DNM3: variants seen among roughly 807,000 people sequenced by gnomAD.
DNM3 encodes dynamin 3.
A neutral mutation model predicts 101.6 loss-of-function variants in DNM3; 47 were observed. The ratio of observed to expected loss-of-function variants is 0.46; its 90% CI spans 0.37 to 0.59. The LOEUF (loss-of-function observed/expected upper bound fraction) is 0.59. Ranked by LOEUF, DNM3 falls within the 20% of genes least tolerant of loss-of-function variation. The probability of loss-of-function intolerance (pLI) is 0.00; values close to 1 mark genes in which losing one functional copy is unlikely to be tolerated. For missense variants in DNM3, 849 were observed against 1,085.7 expected (o/e 0.78, Z 3.06); for synonymous variants, 385 against 387.9 (o/e 0.99, Z 0.09).
chr1:171,914,581 T>C (rs1439076926), intron 1 of DNM3, among the ~76,000 whole-genome samples: 1 of 152,236 alleles, frequency 6.6e-6, no homozygotes, highest in African/African-American at 2.4e-5. Flanking sequence ...TTGGCCCACC[T>C]AGTATTCCGT....
intron 15 of DNM3, among the ~76,000 whole-genome samples, chr1:172,265,398 TGAG>T (rs1181913013): frequency 6.6e-6 from 1 of 152,162 alleles, no homozygotes; most frequent in Non-Finnish European, 1.5e-5. Flanking sequence ...CTTCAGCACT[TGAG>T]GAGAGCGAAT....
At position 171,952,138 on chromosome 1, in the gene DNM3, G is replaced by A. The variant is rs77604267; in HGVS notation, c.235+30317G>A. The stretch of plus-strand genomic sequence containing the variant: ...TGAAGCCTCCAGGTAACAGCCTTCA[G>A]AGAGAAGAGATGGCAGATGTCTTTT... On this transcript the variant is annotated intron_variant, in intron 2 of 20. Coordinates refer to ENST00000627582, the MANE Select transcript of DNM3 (RefSeq NM_015569.5). Among the ~76,000 whole-genome samples the A allele has an allele frequency of 5.0e-3, 763 of 152,272 alleles. 14 individuals carry two copies. Among genetic ancestry groups the A allele is most frequent in the African/African-American group, 0.016 (679 of 41,566 alleles).
chr1:171,931,059 T>G (rs1483236639), intron 2 of DNM3, among the ~76,000 whole-genome samples: 1 of 152,114 alleles, frequency 6.6e-6, no homozygotes, highest in Non-Finnish European at 1.5e-5. Context: ...CCCTCATCTG[T>G]ATAACAAAAA....
intron 14 of DNM3, among the ~76,000 whole-genome samples, chr1:172,179,706 G>C (rs2059277251): frequency 6.6e-6 from 1 of 151,616 alleles, no homozygotes; most frequent in African/African-American, 2.4e-5. Context: ...GCATAGTTTT[G>C]GGAATACAGA....
intron 10 of DNM3, among the ~76,000 whole-genome samples, chr1:172,052,380 A>G (rs530704786): frequency 6.6e-6 from 1 of 152,226 alleles, no homozygotes; most frequent in East Asian, 1.9e-4. Flanking sequence ...ATCAACATAT[A>G]AATATATCTA....
At chr1:172,317,855 T>C (rs553602060) in intron 16 of DNM3, among the ~76,000 whole-genome samples, 3 of 150,932 alleles carry the variant, frequency 2.0e-5, no homozygotes, top group East Asian at 2.0e-4. Flanking sequence ...TTCCAATCAA[T>C]AGAAAAAGAG....
intron 17 of DNM3, among the ~76,000 whole-genome samples, chr1:172,330,214 A>G (rs574456564): frequency 3.3e-5 from 5 of 152,336 alleles, no homozygotes; most frequent in South Asian, 4.1e-4. Flanking sequence ...ATAATTACCA[A>G]TGTTTTAAAA....
intron 9 of DNM3, among the ~76,000 whole-genome samples, chr1:172,045,137 G>A (rs191578708): frequency 8.6e-4 from 130 of 150,946 alleles, no homozygotes; most frequent in Non-Finnish European, 1.4e-3. Context: ...GAGGAATGCA[G>A]TCAGGAGAGC....
At chr1:172,232,756 A>C (rs1176961692) in intron 14 of DNM3, among the ~76,000 whole-genome samples, 1 of 152,208 alleles carries the variant, frequency 6.6e-6, no homozygotes, top group Non-Finnish European at 1.5e-5. Flanking sequence ...GCTCAACTAC[A>C]TGGAAACTGA....
At chr1:172,259,061 A>G (rs985333639) in intron 15 of DNM3, among the ~76,000 whole-genome samples, 31 of 151,832 alleles carry the variant, frequency 2.0e-4, no homozygotes, top group African/African-American at 6.5e-4. Context: ...TGTTTCCAAA[A>G]TATCTCTTGT....
At chr1:171,863,869 T>C (rs987346404) in intron 1 of DNM3, among the ~76,000 whole-genome samples, 6 of 152,230 alleles carry the variant, frequency 3.9e-5, no homozygotes, top group Non-Finnish European at 8.8e-5. Flanking sequence ...GTAGAAGGTA[T>C]TTACTAAGTG....
chr1:172,320,045 C>A (rs1050189295), intron 16 of DNM3, among the ~76,000 whole-genome samples: 11 of 150,794 alleles, frequency 7.3e-5, no homozygotes, highest in African/African-American at 2.7e-4. Flanking sequence ...TGGAATACTA[C>A]GCAGCCATAA....
intron 15 of DNM3, among the ~76,000 whole-genome samples, chr1:172,298,414 C>T (rs10752932): frequency 0.22 from 33,194 of 152,048 alleles, 3,983 homozygotes; most frequent in African/African-American, 0.31. Flanking sequence ...CTCAGGGGAG[C>T]CTTCTGCATT....
intron 13 of DNM3, among the ~76,000 whole-genome samples, chr1:172,125,463 C>T (rs1265050311): frequency 6.6e-6 from 1 of 152,164 alleles, no homozygotes; most frequent in African/African-American, 2.4e-5. Flanking sequence ...TTGACAAAAT[C>T]TGTTTTCTCA....
intron 2 of DNM3, among the ~76,000 whole-genome samples, chr1:171,929,522 G>T (rs2125357412): frequency 6.6e-6 from 1 of 152,326 alleles, no homozygotes; most frequent in Middle Eastern, 3.4e-3. Context: ...GTCCTGCCCA[G>T]TAAGGAGGAA....
chr1:172,115,843 G>T lies in DNM3; in HGVS notation c.1546-15332G>T, dbSNP rs1248338576. On this transcript the variant is annotated intron_variant, in intron 13 of 20. Coordinates refer to ENST00000627582, the MANE Select transcript of DNM3 (RefSeq NM_015569.5). ...GAGCATGCATTATCTCACTTAGATT[G>T]CTTCGTTTTTTCACAGTATTTATCA... Among the ~76,000 whole-genome samples the T allele has an allele frequency of 2.0e-5, 3 of 152,074 alleles. No individual in the cohort carries two copies. In the East Asian group the frequency reaches 5.8e-4, roughly 29 times the overall value.
chr1:171,897,880 G>A (rs2037949327), intron 1 of DNM3, among the ~76,000 whole-genome samples: 1 of 151,630 alleles, frequency 6.6e-6, no homozygotes, highest in Non-Finnish European at 1.5e-5. Context: ...TTTGATAAAT[G>A]CTATCAAAAA....
intron 1 of DNM3, among the ~76,000 whole-genome samples, chr1:171,900,674 A>G (rs899366546): frequency 1.3e-5 from 2 of 152,128 alleles, no homozygotes; most frequent in Admixed American, 6.6e-5. Context: ...CTGTGGAGGA[A>G]GGAGTGAGGA....
In DNM3 at chr1:172,267,994, G is replaced by A. The variant is rs7525032; in HGVS notation, c.1769+14312G>A. On this transcript the variant is annotated intron_variant, in intron 15 of 20. Transcript: ENST00000627582. ...CCCAAAGTGCTGGGATTACAGGTAT[G>A]AGCCACGGCACCTGGCCAGGTTTTC... Among the ~76,000 whole-genome samples, 1,029 of 152,300 alleles carry A rather than the reference G, an allele frequency of 6.8e-3. 22 individuals carry two copies. The highest frequency in any genetic ancestry group is 0.023 in the African/African-American group (973 of 41,550).
Sources: allele counts gnomAD v4.1 joint callset (sites outside exome capture counted in the v4.1 genomes callset), GRCh38; gene constraint gnomAD v4.1.1; transcripts MANE v1.5; gene names NCBI Gene and HGNC (gene_info 2026-07-23, HGNC 2026-07-21).